The following DPF3 variants were observed in gnomAD, a reference collection of about 807,000 sequenced individuals.
The protein encoded by DPF3 is double PHD fingers 3, also known as zinc finger protein DPF3.
DPF3 carries 18 observed loss-of-function variants against 56.8 expected under a neutral mutation model. The observed-to-expected ratio is 0.32, with a 90% confidence interval of 0.22 to 0.47. The LOEUF is 0.47. DPF3 is among the 20% of genes least tolerant of loss of function. The pLI, the probability that DPF3 is intolerant of heterozygous loss-of-function variation, is 1.00. For missense variants in DPF3, 403 were observed against 488.8 expected (o/e 0.82, Z 1.65); for synonymous variants, 188 against 180.2 (o/e 1.04, Z -0.35).
intron 1 of DPF3, among the ~76,000 whole-genome samples, chr14:72,812,922 G>A (rs1244776124): frequency 1.3e-5 from 2 of 152,110 alleles, no homozygotes; most frequent in Non-Finnish European, 2.9e-5. Flanking sequence ...AAGGGCCAGG[G>A]GCTCATAGGG....
intron 6 of DPF3, among the ~76,000 whole-genome samples, chr14:72,694,371 G>T (rs1200716847): frequency 2.6e-5 from 4 of 152,182 alleles, no homozygotes; most frequent in Non-Finnish European, 5.9e-5. Flanking sequence ...TCTCCCTTGT[G>T]CTGACATGAC....
At chr14:72,893,188 C>T (rs1010056755) in intron 1 of DPF3, among the ~76,000 whole-genome samples, 4 of 152,166 alleles carry the variant, frequency 2.6e-5, no homozygotes, top group African/African-American at 9.7e-5. Flanking sequence ...CGGCCGGGAG[C>T]AGACGCTGCC....
chr14:72,750,642 A>G (rs1373766594), intron 3 of DPF3, among the ~76,000 whole-genome samples: 2 of 152,128 alleles, frequency 1.3e-5, no homozygotes, highest in Non-Finnish European at 2.9e-5. Flanking sequence ...GAAATGAAGA[A>G]ACTTTATATT....
At chr14:72,860,049 G>A (rs909317899) in intron 1 of DPF3, among the ~76,000 whole-genome samples, 1 of 151,932 alleles carries the variant, frequency 6.6e-6, no homozygotes, top group Non-Finnish European at 1.5e-5. Context: ...AGGGTACCCA[G>A]ACTTCACTGT....
chr14:72,820,604 C>T (rs182246938), intron 1 of DPF3, among the ~76,000 whole-genome samples: 1 of 152,202 alleles, frequency 6.6e-6, no homozygotes, highest in East Asian at 1.9e-4. Context: ...AAAGTTAAGA[C>T]CCAAAACCTT....
Position 72,838,909 on chromosome 14 carries a change from T to TATATATATATA in DPF3, c.32+55147_32+55148insTATATATATAT, listed in dbSNP as rs1491369142. 5.8e-3 allele frequency among the ~76,000 whole-genome samples: 44 copies of TATATATATATA among 7,610 alleles called. 1 individual carries two copies. Among genetic ancestry groups the TATATATATATA allele is most frequent in the East Asian group, 0.017 (5 of 288 alleles). The allele number at this position is 7,610 out of a possible 152,430, so 5.0% of individuals were successfully genotyped here. ...ATCATATATATTATCATATATATTC[T>TATATATATATA]TTTTTTTTTTTTTTTTTTTTTTTTT... On this transcript the variant is annotated intron_variant, in intron 1 of 10. Transcript: ENST00000556509.
At chr14:72,859,857 A>G (rs189748472) in intron 1 of DPF3, among the ~76,000 whole-genome samples, 1 of 152,150 alleles carries the variant, frequency 6.6e-6, no homozygotes, top group Admixed American at 6.5e-5. Flanking sequence ...ACATTCCTGA[A>G]TCACCTGGGA....
intron 1 of DPF3, chr14:72,892,596 C>G (rs1273374924): frequency 1.9e-5 from 23 of 1,237,382 alleles, no homozygotes; most frequent in Non-Finnish European, 2.2e-5. Context: ...CTACCGTCCC[C>G]GGGAGCGAAC....
At chr14:72,885,019 TGA>T (rs1340805960) in intron 1 of DPF3, among the ~76,000 whole-genome samples, 1 of 128,000 alleles carries the variant, frequency 7.8e-6, no homozygotes, top group Admixed American at 8.7e-5. Context: ...CTCGGGAGGC[TGA>T]GCCCGGGGAA....
intron 1 of DPF3, among the ~76,000 whole-genome samples, chr14:72,891,582 T>G (rs1886753946): frequency 6.6e-6 from 1 of 152,016 alleles, no homozygotes; most frequent in African/African-American, 2.4e-5. Flanking sequence ...ATGAAATATA[T>G]AAGATGTTTT....
At chr14:72,660,137 C>T (rs573175916) in intron 8 of DPF3, among the ~76,000 whole-genome samples, 9 of 151,706 alleles carry the variant, frequency 5.9e-5, no homozygotes, top group Admixed American at 4.6e-4. Flanking sequence ...GATGGTTGCA[C>T]GACAATGTAA....
intron 1 of DPF3, among the ~76,000 whole-genome samples, chr14:72,859,135 G>T (rs566665729): frequency 2.0e-5 from 3 of 152,258 alleles, no homozygotes; most frequent in South Asian, 4.1e-4. Context: ...ATAAAATGAT[G>T]TCTGAGATTT....
chr14:72,756,066 A>G (rs566729311), intron 2 of DPF3, among the ~76,000 whole-genome samples: 1 of 152,276 alleles, frequency 6.6e-6, no homozygotes, highest in South Asian at 2.1e-4. Context: ...AGCTGCTGTC[A>G]GGGAAATTAA....
intron 8 of DPF3, among the ~76,000 whole-genome samples, chr14:72,664,923 G>C (rs139824126): frequency 6.6e-6 from 1 of 152,160 alleles, no homozygotes; most frequent in Non-Finnish European, 1.5e-5. Flanking sequence ...GCACAGGAGC[G>C]GCAGGAACAA....
At chr14:72,821,776 CAGG>C (rs796206436) in intron 1 of DPF3, among the ~76,000 whole-genome samples, 6 of 152,158 alleles carry the variant, frequency 3.9e-5, no homozygotes, top group African/African-American at 1.4e-4. Context: ...GAGACCAAGG[CAGG>C]AGGACTGCTT....
intron 1 of DPF3, among the ~76,000 whole-genome samples, chr14:72,860,832 C>T (rs560675658): frequency 2.2e-4 from 33 of 152,252 alleles, no homozygotes; most frequent in East Asian, 3.9e-4. Flanking sequence ...TCCCAAAGTG[C>T]TGGGATTACA....
In DPF3 at chr14:72,694,335, C is replaced by T. The variant is rs1194506280; in HGVS notation, c.605-1122G>A. 2.0e-5 allele frequency among the ~76,000 whole-genome samples: 3 copies of T among 152,180 alleles called. No individual in the cohort carries two copies. The East Asian group carries it at 5.8e-4, about 29-fold the overall frequency. ...ACCAACCTGCTCTCTGCTGGAGTGCCTGAAAGTTACAAATTCTAAAAGACT... is the reference window on the plus strand; with the variant it reads ...ACCAACCTGCTCTCTGCTGGAGTGCTTGAAAGTTACAAATTCTAAAAGACT... On this transcript the variant is annotated intron_variant, in intron 6 of 10. Coordinates refer to ENST00000556509, the MANE Select transcript of DPF3 (RefSeq NM_001280542.3).
chr14:72,886,355 G>C (rs754569965), intron 1 of DPF3, among the ~76,000 whole-genome samples: 1 of 152,114 alleles, frequency 6.6e-6, no homozygotes, highest in Non-Finnish European at 1.5e-5. Context: ...CTGGGTGACA[G>C]AGCGAGACTC....
At chr14:72,711,891 G>A (rs1888667458) in intron 6 of DPF3, among the ~76,000 whole-genome samples, 1 of 151,920 alleles carries the variant, frequency 6.6e-6, no homozygotes, top group African/African-American at 2.4e-5. Context: ...ATGCATTAGA[G>A]ATTATTAAAA....
Sources: allele counts gnomAD v4.1 joint callset (sites outside exome capture counted in the v4.1 genomes callset), GRCh38; gene constraint gnomAD v4.1.1; transcripts MANE v1.5; gene names NCBI Gene and HGNC (gene_info 2026-07-23, HGNC 2026-07-21).